Variants in TEX36 observed in about 807,000 individuals in gnomAD.
TEX36 encodes testis-expressed protein 36.
Under a neutral mutation model 13.6 loss-of-function variants are expected in TEX36, and 12 were observed. That is an observed-to-expected ratio of 0.88 (90% CI 0.56 to 1.43). The LOEUF (loss-of-function observed/expected upper bound fraction) is 1.43. Ranked by LOEUF, TEX36 falls within the 40% of genes most tolerant of loss-of-function variation. TEX36 has a pLI of 0.00. For synonymous variants in TEX36, 93 were observed against 83.0 expected, an observed-to-expected ratio of 1.12 and a Z score of -0.65; for missense variants, 224 against 228.3, an observed-to-expected ratio of 0.98 and a Z score of 0.12.
intron 1 of TEX36, among the ~76,000 whole-genome samples, chr10:125,670,058 G>T (rs562946144): frequency 1.5e-4 from 23 of 152,182 alleles, no homozygotes; most frequent in Non-Finnish European, 2.8e-4. Context: ...AAGAACATAC[G>T]CATGAATGTA....
intron 1 of TEX36, among the ~76,000 whole-genome samples, chr10:125,668,976 T>A (rs1847172845): frequency 6.6e-6 from 1 of 152,032 alleles, no homozygotes; most frequent in Admixed American, 6.5e-5. Context: ...CTGGCCAACA[T>A]GGTGAAACCC....
At chr10:125,666,321 G>A (rs1171833144) in intron 1 of TEX36, among the ~76,000 whole-genome samples, 2 of 152,178 alleles carry the variant, frequency 1.3e-5, no homozygotes, top group Non-Finnish European at 2.9e-5. Context: ...TCAGTATGAT[G>A]TTAGCTGTGG....
chr10:125,636,993 T>C (rs10901411), intron 3 of TEX36, among the ~76,000 whole-genome samples: 11,407 of 152,040 alleles, frequency 0.075, 827 homozygotes, highest in East Asian at 0.31. Context: ...TTGACTATTT[T>C]AAACATCTCA....
intron 3 of TEX36, among the ~76,000 whole-genome samples, chr10:125,613,762 G>A (rs1366131051): frequency 6.6e-6 from 1 of 152,098 alleles, no homozygotes; most frequent in Non-Finnish European, 1.5e-5. Flanking sequence ...TGTCTTTATA[G>A]CAGCATGATT....
intron 3 of TEX36, among the ~76,000 whole-genome samples, chr10:125,632,741 C>T (rs763233144): frequency 6.6e-5 from 10 of 152,170 alleles, no homozygotes; most frequent in Non-Finnish European, 1.3e-4. Context: ...AAACTAGTTC[C>T]GTCCGCTTTT....
At chr10:125,658,563 GGAATATATATTA>G (rs1358975606) in intron 3 of TEX36, among the ~76,000 whole-genome samples, 2 of 151,916 alleles carry the variant, frequency 1.3e-5, no homozygotes, top group African/African-American at 4.8e-5. Flanking sequence ...CCAACAGGGG[GGAATATATATTA>G]TTTGTAAACA....
chr10:125,623,546 G>A (rs1419662894), intron 3 of TEX36, among the ~76,000 whole-genome samples: 6 of 150,994 alleles, frequency 4.0e-5, no homozygotes, highest in African/African-American at 9.8e-5. Flanking sequence ...AAACTGACTC[G>A]GAAATATCCC....
At chr10:125,652,963 C>T (rs140272250), downstream of TEX36, among the ~76,000 whole-genome samples, 6,913 of 152,074 alleles carry the variant, frequency 0.045, 332 homozygotes, top group African/African-American at 0.12. Context: ...GTTAAAATGG[C>T]GATCATTAAA....
intron 1 of TEX36, chr10:125,668,087 T>C: frequency 6.7e-6 from 4 of 600,764 alleles, no homozygotes. Context: ...GTGGACAGAG[T>C]GTGGTTGGGG....
intron 3 of TEX36, among the ~76,000 whole-genome samples, chr10:125,579,462 G>A (rs1038059495): frequency 6.6e-6 from 1 of 152,170 alleles, no homozygotes; most frequent in Non-Finnish European, 1.5e-5. Context: ...CACCCAACAC[G>A]TGGGGATTAC....
Position 125,662,121 on chromosome 10 carries a change from C to T in TEX36, c.52-144G>A, listed in dbSNP as rs1338700694. 9 of 1,171,494 alleles carry T rather than the reference C, an allele frequency of 7.7e-6. No individual in the cohort carries two copies. In the East Asian group the frequency reaches 2.3e-4, roughly 30 times the overall value. The allele number at this position is 1,171,494 out of a possible 1,614,324, so 72.6% of individuals were successfully genotyped here. A position where few individuals can be genotyped will look rare whatever the true frequency, so the allele number is the denominator to read the frequency against. ...GAAATGGCATAATTTTTGTAATTTT[C>T]AAGTATTCTTTCCAAGACAAAAAAC... On this transcript the variant is annotated intron_variant, in intron 1 of 3. Coordinates refer to ENST00000368821, the MANE Select transcript of TEX36 (RefSeq NM_001128202.3).
intron 3 of TEX36, among the ~76,000 whole-genome samples, chr10:125,650,229 T>C (rs1396705558): frequency 2.0e-5 from 3 of 152,174 alleles, no homozygotes; most frequent in South Asian, 2.1e-4. Context: ...TACTGCAAAA[T>C]TGACCACATA....
At chr10:125,632,322 A>T (rs779842648) in intron 3 of TEX36, among the ~76,000 whole-genome samples, 48 of 152,192 alleles carry the variant, frequency 3.2e-4, no homozygotes, top group Non-Finnish European at 5.6e-4. Flanking sequence ...GCCTTGGGAT[A>T]TTTATCTGGT....
intron 3 of TEX36, among the ~76,000 whole-genome samples, chr10:125,631,995 G>A (rs1846563013): frequency 6.6e-6 from 1 of 152,098 alleles, no homozygotes; most frequent in South Asian, 2.1e-4. Context: ...CAAGAGGATA[G>A]GACAGAAGAT....
intron 3 of TEX36, among the ~76,000 whole-genome samples, chr10:125,588,949 T>C (rs1324403160): frequency 6.6e-6 from 1 of 152,078 alleles, no homozygotes; most frequent in South Asian, 2.1e-4. Flanking sequence ...GAACAAGAGA[T>C]CCCTCATCAC....
At chr10:125,679,412 C>A (rs930144093) in intron 1 of TEX36, among the ~76,000 whole-genome samples, 2 of 152,144 alleles carry the variant, frequency 1.3e-5, no homozygotes, top group African/African-American at 4.8e-5. Flanking sequence ...GAAAATGGCA[C>A]CTTGCTATAG....
chr10:125,630,977 T>G (rs1846548040), intron 3 of TEX36, among the ~76,000 whole-genome samples: 1 of 151,838 alleles, frequency 6.6e-6, no homozygotes, highest in Admixed American at 6.6e-5. Flanking sequence ...CTCCCTATGC[T>G]CCTGTCTCAG....
At position 125,655,807 on chromosome 10, in the gene TEX36, T is replaced by A; in HGVS notation, c.*93A>T. Reference sequence around the variant, plus strand: ...AAAAATCATAAAAGTACTTTAAAAATTAAATAGTGGTGCTGGATCAGAAAA... The same window carrying A: ...AAAAATCATAAAAGTACTTTAAAAAATAAATAGTGGTGCTGGATCAGAAAA... On this transcript the variant is annotated 3_prime_UTR_variant, in exon 4 of 4. Coordinates refer to ENST00000368821, the MANE Select transcript of TEX36 (RefSeq NM_001128202.3). 7.4e-7 allele frequency: 1 copy of A among 1,354,722 alleles called. No homozygotes were observed. Among genetic ancestry groups the A allele is most frequent in the African/African-American group, 1.5e-5 (1 of 67,630 alleles). 83.9% of individuals were successfully genotyped at this position (1,354,722 alleles called of 1,614,324 possible). A position where few individuals can be genotyped will look rare whatever the true frequency, so the allele number is the denominator to read the frequency against.
At chr10:125,673,973 T>C (rs1296609379) in intron 1 of TEX36, among the ~76,000 whole-genome samples, 1 of 152,158 alleles carries the variant, frequency 6.6e-6, no homozygotes, top group Non-Finnish European at 1.5e-5. Context: ...GACCTGTCTT[T>C]TTAGGTTGGG....
Sources: gnomAD v4.1 joint callset for allele counts (sites outside exome capture counted in the v4.1 genomes callset) on GRCh38, gnomAD v4.1.1 for gene constraint, MANE v1.5 for transcripts, NCBI Gene and HGNC (gene_info 2026-07-23, HGNC 2026-07-21) for gene names.